VPS13B: variants seen among roughly 807,000 people sequenced by gnomAD.
The protein encoded by VPS13B is intermembrane lipid transfer protein VPS13B.
In VPS13B, 285 loss-of-function variants were observed where a neutral mutation model predicts 426.4. That is an observed-to-expected ratio of 0.67 (90% CI 0.61 to 0.74). The LOEUF is 0.74. Among genes scored for constraint, VPS13B ranks in the 30% least tolerant of loss-of-function variants. VPS13B has a pLI of 0.00. For missense variants in VPS13B, 4,537 were observed against 4,782.6 expected, an observed-to-expected ratio of 0.95 and a Z score of 1.51; for synonymous variants, 1,676 against 1,676.4, an observed-to-expected ratio of 1.00 and a Z score of 0.01.
chr8:99,044,415 T>TGC (rs35871503), intron 3 of VPS13B, among the ~76,000 whole-genome samples: 1 of 7,170 alleles, frequency 1.4e-4, no homozygotes, highest in African/African-American at 4.9e-4. Flanking sequence ...AGTCAATGTT[T>TGC]GTGTGTGTGT....
chr8:99,649,276 A>C (rs919953238), intron 34 of VPS13B, among the ~76,000 whole-genome samples: 1 of 151,944 alleles, frequency 6.6e-6, no homozygotes, highest in African/African-American at 2.4e-5. Flanking sequence ...GGTTTTGTTT[A>C]TCAAATTTGA....
chr8:99,746,634 A>G (rs1810101625), intron 39 of VPS13B, among the ~76,000 whole-genome samples: 2 of 152,216 alleles, frequency 1.3e-5, no homozygotes, highest in South Asian at 4.1e-4. Flanking sequence ...AGAGAGATTA[A>G]TCTGTTCAAG....
chr8:99,741,446 A>G (rs946033687), intron 39 of VPS13B, among the ~76,000 whole-genome samples: 8 of 152,138 alleles, frequency 5.3e-5, no homozygotes, highest in Non-Finnish European at 8.8e-5. Flanking sequence ...ATATCCAGGA[A>G]TTGAACTCAG....
intron 19 of VPS13B, among the ~76,000 whole-genome samples, chr8:99,293,843 C>T (rs1376299314): frequency 1.4e-5 from 2 of 147,564 alleles, no homozygotes; most frequent in East Asian, 2.0e-4. Flanking sequence ...CAATGAGATA[C>T]CATCTCACAC....
chr8:99,108,150 A>G (rs113888314), intron 5 of VPS13B, among the ~76,000 whole-genome samples: 2 of 152,238 alleles, frequency 1.3e-5, no homozygotes, highest in Admixed American at 6.5e-5. Flanking sequence ...CTCCAGCTCT[A>G]TCCATATTGC....
At chr8:99,872,871 C>A (rs1212461259) in intron 61 of VPS13B, among the ~76,000 whole-genome samples, 1 of 152,174 alleles carries the variant, frequency 6.6e-6, no homozygotes, top group African/African-American at 2.4e-5. Context: ...GGAAAGCAGC[C>A]AACCACAACA....
At chr8:99,284,873 G>C (rs1205480497) in intron 19 of VPS13B, among the ~76,000 whole-genome samples, 1 of 152,100 alleles carries the variant, frequency 6.6e-6, no homozygotes, top group African/African-American at 2.4e-5. Context: ...GTGTTGGTTT[G>C]TCACCTATAA....
intron 24 of VPS13B, among the ~76,000 whole-genome samples, chr8:99,473,914 A>G (rs1023854976): frequency 3.3e-5 from 5 of 152,160 alleles, no homozygotes; most frequent in Non-Finnish European, 5.9e-5. Flanking sequence ...TCCAAGAAAC[A>G]TAAATGAATA....
At chr8:99,634,364 C>A (rs1828987391) in intron 33 of VPS13B, among the ~76,000 whole-genome samples, 1 of 151,960 alleles carries the variant, frequency 6.6e-6, no homozygotes, top group South Asian at 2.1e-4. Flanking sequence ...TAAAACACAA[C>A]CTTGACTGAA....
At chr8:99,273,565 A>G in intron 17 of VPS13B, among the ~76,000 whole-genome samples, 1 of 151,802 alleles carries the variant, frequency 6.6e-6, no homozygotes, top group Non-Finnish European at 1.5e-5. Context: ...TGGGTGGATC[A>G]CCTGAGGTCA....
intron 21 of VPS13B, among the ~76,000 whole-genome samples, chr8:99,417,160 C>T (rs904212624): frequency 6.6e-6 from 1 of 152,150 alleles, no homozygotes; most frequent in African/African-American, 2.4e-5. Context: ...CATTCAAATT[C>T]TAGTAGCAAT....
intron 35 of VPS13B, chr8:99,696,726 A>G: frequency 1.0e-6 from 1 of 985,906 alleles, no homozygotes; most frequent in Non-Finnish European, 1.6e-6. Flanking sequence ...CCGTTTTCCC[A>G]GAAGATCCGG....
chr8:99,499,796 T>G (rs1821130502), intron 25 of VPS13B, among the ~76,000 whole-genome samples: 1 of 152,164 alleles, frequency 6.6e-6, no homozygotes, highest in Admixed American at 6.5e-5. Flanking sequence ...CAGGTTTAAC[T>G]CTATAATTTT....
chr8:99,640,986 C>T (rs1401869224), intron 33 of VPS13B, among the ~76,000 whole-genome samples: 1 of 152,038 alleles, frequency 6.6e-6, no homozygotes, highest in Non-Finnish European at 1.5e-5. Flanking sequence ...TGCAGAATAG[C>T]AAGTTGCAGA....
intron 39 of VPS13B, among the ~76,000 whole-genome samples, chr8:99,745,312 GA>G (rs1037815335): frequency 6.6e-6 from 1 of 151,638 alleles, no homozygotes; most frequent in African/African-American, 2.4e-5. Context: ...AATTTTAGTT[GA>G]AAAAAATTCT....
At chr8:99,503,514 T>C (rs1821345946) in intron 27 of VPS13B, among the ~76,000 whole-genome samples, 1 of 152,230 alleles carries the variant, frequency 6.6e-6, no homozygotes, top group Admixed American at 6.5e-5. Flanking sequence ...CTTTCAAAAT[T>C]AGAGTCAGTC....
At chr8:99,061,850 G>A (rs190276484) in intron 3 of VPS13B, among the ~76,000 whole-genome samples, 5 of 152,074 alleles carry the variant, frequency 3.3e-5, no homozygotes, top group Admixed American at 6.6e-5. Context: ...ACTCACAATG[G>A]TCAATAATAA....
chr8:99,154,875 A>C (rs905317044), intron 14 of VPS13B, among the ~76,000 whole-genome samples: 2 of 152,112 alleles, frequency 1.3e-5, no homozygotes, highest in Admixed American at 1.3e-4. Context: ...TTTTTTACCC[A>C]TGATGTCATC....
At chr8:99,241,903 A>G (rs1179071285) in intron 17 of VPS13B, among the ~76,000 whole-genome samples, 1 of 152,202 alleles carries the variant, frequency 6.6e-6, no homozygotes, top group East Asian at 1.9e-4. Flanking sequence ...GTTTAAAATT[A>G]GTGCTGGATA....
Sources: allele counts gnomAD v4.1 joint callset (sites outside exome capture counted in the v4.1 genomes callset), GRCh38; gene constraint gnomAD v4.1.1; transcripts MANE v1.5; gene names NCBI Gene and HGNC (gene_info 2026-07-23, HGNC 2026-07-21).